ADGRA3: variants seen among roughly 807,000 people sequenced by gnomAD.
ADGRA3 encodes the protein adhesion G protein-coupled receptor A3, also known as G-protein coupled receptor 125.
In ADGRA3, 56 loss-of-function variants were observed where a neutral mutation model predicts 119.8. The ratio of observed to expected loss-of-function variants is 0.47; its 90% confidence interval spans 0.38 to 0.58. The LOEUF (loss-of-function observed/expected upper bound fraction) is 0.58. Ranked by LOEUF, ADGRA3 falls within the 20% of genes least tolerant of loss-of-function variation. ADGRA3 has a pLI of 0.00. For synonymous variants in ADGRA3, 607 were observed against 623.8 expected (o/e 0.97, Z 0.40); for missense variants, 1,516 against 1,649.0 (o/e 0.92, Z 1.40).
chr4:22,411,545 G>A (rs1317353509), intron 14 of ADGRA3, among the ~76,000 whole-genome samples: 2 of 152,116 alleles, frequency 1.3e-5, no homozygotes, highest in Non-Finnish European at 2.9e-5. Context: ...GCTGCAGTGA[G>A]GCGAGATTGC....
In ADGRA3 at chr4:22,481,988, A is replaced by G. The variant is rs138011274; in HGVS notation, c.258-8145T>C. 6.2e-3 allele frequency among the ~76,000 whole-genome samples: 944 copies of G among 152,352 alleles called. 10 individuals are homozygous for G. The highest frequency in any genetic ancestry group is 0.021 in the African/African-American group (887 of 41,580). On this transcript the variant is annotated intron_variant, in intron 1 of 18. Transcript: ENST00000334304. ...ATTACATTTAATCCCACATGGCATC[A>G]GCAATTAAATCAATTTTGTCATAAG...
intron 1 of ADGRA3, among the ~76,000 whole-genome samples, chr4:22,504,321 G>A (rs550191957): frequency 2.7e-4 from 41 of 152,154 alleles, no homozygotes; most frequent in African/African-American, 9.4e-4. Flanking sequence ...AAATGATGAG[G>A]CGCTAAAAGA....
intron 3 of ADGRA3, among the ~76,000 whole-genome samples, chr4:22,459,927 T>A (rs1463292013): frequency 6.6e-6 from 1 of 151,908 alleles, no homozygotes; most frequent in Middle Eastern, 3.2e-3. Flanking sequence ...TTAAACATTT[T>A]TAATATAGCA....
intron 16 of ADGRA3, chr4:22,394,069 T>C (rs888676188): frequency 6.6e-6 from 1 of 152,176 alleles, no homozygotes; most frequent in African/African-American, 2.4e-5. Context: ...AAGGACATAA[T>C]CCAGCTTTCT....
chr4:22,401,353 T>C (rs1714631444), intron 16 of ADGRA3, 78 bp downstream of exon 16: 1 of 1,303,960 alleles, frequency 7.7e-7, no homozygotes, highest in East Asian at 2.4e-5. Context: ...TAAAGAATGA[T>C]TTTTTCTTTT....
At chr4:22,439,778 A>G (rs992186242) in intron 7 of ADGRA3, among the ~76,000 whole-genome samples, 1 of 152,188 alleles carries the variant, frequency 6.6e-6, no homozygotes, top group Non-Finnish European at 1.5e-5. Flanking sequence ...TATTTCGTCA[A>G]TGAAAATCAT....
intron 2 of ADGRA3, among the ~76,000 whole-genome samples, chr4:22,468,600 C>T (rs1197839368): frequency 6.6e-6 from 1 of 152,042 alleles, no homozygotes; most frequent in African/African-American, 2.4e-5. Flanking sequence ...GAAACCCCAT[C>T]TCTACCCAAA....
chr4:22,390,079 C>T (rs1394172754), intron 17 of ADGRA3, among the ~76,000 whole-genome samples: 1 of 151,788 alleles, frequency 6.6e-6, no homozygotes, highest in African/African-American at 2.4e-5. Context: ...ATAATTCTGC[C>T]TTCTATTCCA....
chr4:22,454,997 G>T (rs1717190351), intron 3 of ADGRA3, 60 bp from the exon 4 acceptor site: 4 of 1,182,492 alleles, frequency 3.4e-6, no homozygotes, highest in Non-Finnish European at 5.1e-6. Context: ...AAGGTCTCAT[G>T]CATTCAGTAT....
intron 2 of ADGRA3, among the ~76,000 whole-genome samples, chr4:22,466,338 C>T (rs1717655940): frequency 6.6e-6 from 1 of 152,126 alleles, no homozygotes; most frequent in African/African-American, 2.4e-5. Flanking sequence ...CTGTCCTGAA[C>T]GCATCTCAAT....
chr4:22,468,663 G>A (rs1036804484), intron 2 of ADGRA3, among the ~76,000 whole-genome samples: 27 of 151,836 alleles, frequency 1.8e-4, no homozygotes, highest in Non-Finnish European at 4.4e-5. Context: ...CAGCTGCTTG[G>A]GTGGCTGAGA....
At chr4:22,396,346 C>T (rs10013902) in intron 16 of ADGRA3, among the ~76,000 whole-genome samples, 2,258 of 152,228 alleles carry the variant, frequency 0.015, 56 homozygotes, top group African/African-American at 0.052. Context: ...CCCATTTATA[C>T]TGTTCATAAA....
intron 1 of ADGRA3, among the ~76,000 whole-genome samples, chr4:22,486,905 G>A (rs1718449521): frequency 6.6e-6 from 1 of 152,164 alleles, no homozygotes; most frequent in African/African-American, 2.4e-5. Context: ...ATATATATGA[G>A]AATGTGTGGT....
chr4:22,507,309 A>T (rs1458218546), intron 1 of ADGRA3, among the ~76,000 whole-genome samples: 1 of 152,192 alleles, frequency 6.6e-6, no homozygotes, highest in Non-Finnish European at 1.5e-5. Context: ...TTTGTTTATA[A>T]GAAAAATGTC....
At position 22,443,091 on chromosome 4, in the gene ADGRA3, T is replaced by C. The variant is rs778641204; in HGVS notation, c.707-228A>G. On this transcript the variant is annotated intron_variant, in intron 6 of 18. Coordinates refer to ENST00000334304, the MANE Select transcript of ADGRA3 (RefSeq NM_145290.4). ...TAACCAGTTCTGACATTTAGAGTTA[T>C]TCCTCTTCAGTGGCATCCTAAGAGT... 43 of 684,180 alleles carry C rather than the reference T, an allele frequency of 6.3e-5. 1 individual carries two copies. The South Asian group carries it at 6.4e-4, about 10-fold the overall frequency. 42.4% of individuals were successfully genotyped at this position (684,180 alleles called of 1,614,324 possible).
rs886775748 is a variant in ADGRA3 at position 22,515,765 on chromosome 4, C to T, written c.20G>A (p.Arg7Gln). 2.0e-4 allele frequency: 205 copies of T among 1,020,016 alleles called. No individual in the cohort carries two copies. The African/African-American group carries it at 3.2e-3, about 16-fold the overall frequency. 63.2% of individuals were successfully genotyped at this position (1,020,016 alleles called of 1,614,324 possible). A position where few individuals can be genotyped will look rare whatever the true frequency, so the allele number is the denominator to read the frequency against. The change falls in exon 1 of 19, where the codon CGG becomes CAG. Residue 7 changes from arginine (R) to glutamine (Q), a missense_variant. This residue lies in a region of ADGRA3 where 428 missense variants were observed against 541.9 expected (regional missense o/e 0.79). Transcript: ENST00000334304. Reference protein sequence around the residue: MEPPGRRRGRAQPPLLL... With the variant: MEPPGRQRGRAQPPLLL... Reference sequence around the variant, plus strand: ...CAGCGGCGGCTGCGCGCGGCCCCGCCGGCGTCCGGGTGGCTCCATGCTGCG... The same window carrying T: ...CAGCGGCGGCTGCGCGCGGCCCCGCTGGCGTCCGGGTGGCTCCATGCTGCG...
chr4:22,469,291 G>A (rs1317793099), intron 2 of ADGRA3, among the ~76,000 whole-genome samples: 4 of 152,108 alleles, frequency 2.6e-5, no homozygotes, highest in Non-Finnish European at 5.9e-5. Context: ...TGTCTGAATC[G>A]TTTCATTTAT....
chr4:22,442,530 G>A (rs1399502051), intron 7 of ADGRA3, 120 bp downstream of exon 7: 1 of 617,246 alleles, frequency 1.6e-6, no homozygotes, highest in Non-Finnish European at 2.7e-6. Context: ...CCAGATGTTT[G>A]CATTTTTAAA....
At chr4:22,464,948 T>TG (rs1261838597) in intron 2 of ADGRA3, among the ~76,000 whole-genome samples, 4 of 152,122 alleles carry the variant, frequency 2.6e-5, no homozygotes, top group Non-Finnish European at 5.9e-5. Context: ...AAAGCTCACC[T>TG]GGGGACCTGC....
Sources: gnomAD v4.1 joint callset for allele counts (sites outside exome capture counted in the v4.1 genomes callset) on GRCh38, gnomAD v4.1.1 for gene constraint, gnomAD v4.1.1 regional missense constraint, MANE v1.5 for transcripts, NCBI Gene and HGNC (gene_info 2026-07-23, HGNC 2026-07-21) for gene names.